The following ARMH3 variants were observed in gnomAD, a reference collection of about 807,000 sequenced individuals.
ARMH3 encodes the protein armadillo like helical domain containing 3, also known as armadillo-like helical domain-containing protein 3.
A neutral mutation model predicts 99.1 loss-of-function variants in ARMH3; 60 were observed. The observed-to-expected ratio is 0.61, with a 90% confidence interval of 0.49 to 0.75. The LOEUF is 0.75. Ranked by LOEUF, ARMH3 falls within the 30% of genes least tolerant of loss-of-function variation. The pLI is 0.00. For synonymous variants in ARMH3, 285 were observed against 292.8 expected, an observed-to-expected ratio of 0.97 and a Z score of 0.27; for missense variants, 679 against 843.1, an observed-to-expected ratio of 0.81 and a Z score of 2.41.
chr10:101,871,619 G>T (rs1234176376), intron 24 of ARMH3, among the ~76,000 whole-genome samples: 1 of 152,094 alleles, frequency 6.6e-6, no homozygotes, highest in Admixed American at 6.6e-5. Flanking sequence ...GGGGGGGAAA[G>T]AACATTTACC....
chr10:102,043,505 A>G (rs777377843), intron 1 of ARMH3, among the ~76,000 whole-genome samples: 2 of 152,266 alleles, frequency 1.3e-5, no homozygotes, highest in Non-Finnish European at 2.9e-5. Flanking sequence ...AGACAGACAC[A>G]TAACAACCCA....
intron 24 of ARMH3, among the ~76,000 whole-genome samples, chr10:101,884,435 G>A (rs1269970096): frequency 6.6e-6 from 1 of 152,160 alleles, no homozygotes; most frequent in Non-Finnish European, 1.5e-5. Context: ...GAGGGGACAA[G>A]GGGCCTGAAG....
intron 20 of ARMH3, among the ~76,000 whole-genome samples, chr10:101,966,134 ACT>A (rs1845527682): frequency 8.2e-6 from 1 of 121,328 alleles, no homozygotes; most frequent in South Asian, 2.5e-4. Flanking sequence ...ACAGAGTCTC[ACT>A]CTGTCACCCA....
chr10:102,025,035 G>C, intron 6 of ARMH3, 121 bp downstream of exon 6: 2 of 789,262 alleles, frequency 2.5e-6, no homozygotes, highest in Non-Finnish European at 2.1e-6. Context: ...ACACGAGGGA[G>C]TGATGTAATA....
At chr10:102,006,937 C>A (rs1451018170) in intron 13 of ARMH3, among the ~76,000 whole-genome samples, 1 of 151,726 alleles carries the variant, frequency 6.6e-6, no homozygotes, top group Non-Finnish European at 1.5e-5. Context: ...GAGGCCTGGG[C>A]AGATCACAAG....
At chr10:101,852,884 CT>C (rs796208847) in intron 24 of ARMH3, among the ~76,000 whole-genome samples, 2 of 148,152 alleles carry the variant, frequency 1.3e-5, no homozygotes, top group African/African-American at 2.5e-5. Context: ...GTGGCCCTTT[CT>C]TTTTTTTTTC....
chr10:101,987,067 G>T (rs550295315), intron 19 of ARMH3, among the ~76,000 whole-genome samples: 1 of 152,144 alleles, frequency 6.6e-6, no homozygotes, highest in African/African-American at 2.4e-5. Flanking sequence ...GAAATGTGGG[G>T]GTTTGGGTAA....
At chr10:101,996,888 G>A (rs1431674137) in intron 15 of ARMH3, among the ~76,000 whole-genome samples, 1 of 152,092 alleles carries the variant, frequency 6.6e-6, no homozygotes, top group East Asian at 1.9e-4. Flanking sequence ...TATTATAAAG[G>A]TTGAGCAGAA....
At chr10:101,919,830 C>G (rs1241116795) in intron 23 of ARMH3, among the ~76,000 whole-genome samples, 1 of 152,180 alleles carries the variant, frequency 6.6e-6, no homozygotes, top group African/African-American at 2.4e-5. Flanking sequence ...TCTAGTATTT[C>G]TGGGCTGTAC....
At chr10:101,942,479 T>A (rs1458070859) in intron 22 of ARMH3, among the ~76,000 whole-genome samples, 1 of 152,264 alleles carries the variant, frequency 6.6e-6, no homozygotes, top group Admixed American at 6.5e-5. Context: ...ATGTCATTTA[T>A]GGTTCTGGGT....
chr10:101,855,305 T>C (rs1380211562), intron 24 of ARMH3, among the ~76,000 whole-genome samples: 1 of 147,874 alleles, frequency 6.8e-6, no homozygotes, highest in East Asian at 2.2e-4. Context: ...TGACCTCAGG[T>C]GATCCACCTG....
intron 25 of ARMH3, among the ~76,000 whole-genome samples, chr10:101,848,231 C>A (rs1480191164): frequency 6.6e-6 from 1 of 152,182 alleles, no homozygotes; most frequent in Non-Finnish European, 1.5e-5. Context: ...TAGTCTAGCA[C>A]TCCTTCTAAA....
At chr10:101,946,508 A>C (rs993640106) in intron 22 of ARMH3, among the ~76,000 whole-genome samples, 3 of 152,156 alleles carry the variant, frequency 2.0e-5, no homozygotes, top group African/African-American at 7.2e-5. Context: ...ATTTAGAAGT[A>C]AAATATGTAC....
intron 1 of ARMH3, among the ~76,000 whole-genome samples, chr10:102,040,421 G>A (rs1448803469): frequency 1.3e-5 from 2 of 152,126 alleles, no homozygotes; most frequent in Non-Finnish European, 2.9e-5. Flanking sequence ...CCTAAAAACA[G>A]CTCTAAAAAA....
intron 23 of ARMH3, among the ~76,000 whole-genome samples, chr10:101,931,143 C>T (rs116047762): frequency 1.4e-4 from 21 of 152,238 alleles, no homozygotes; most frequent in Non-Finnish European, 2.4e-4. Context: ...TAGGAAAAAA[C>T]GGGAGAGGCT....
intron 8 of ARMH3, among the ~76,000 whole-genome samples, chr10:102,019,650 G>A (rs1027450730): frequency 2.0e-5 from 3 of 152,076 alleles, no homozygotes; most frequent in South Asian, 2.1e-4. Flanking sequence ...AAGCTGGGCC[G>A]GGCGCGGTGG....
intron 15 of ARMH3, among the ~76,000 whole-genome samples, chr10:102,000,525 A>G (rs1483262855): frequency 6.6e-6 from 1 of 151,428 alleles, no homozygotes; most frequent in South Asian, 2.1e-4. Context: ...TTGGGAGGCC[A>G]AGGCGGGCAG....
chr10:101,886,986 C>T (rs1451979901), intron 24 of ARMH3, among the ~76,000 whole-genome samples: 2 of 152,288 alleles, frequency 1.3e-5, no homozygotes, highest in East Asian at 3.9e-4. Flanking sequence ...CTACTGCAAT[C>T]CATAAAACTA....
chr10:102,045,900 G>C (rs1232934018), intron 1 of ARMH3, among the ~76,000 whole-genome samples: 1 of 152,068 alleles, frequency 6.6e-6, no homozygotes, highest in Non-Finnish European at 1.5e-5. Flanking sequence ...TTCGAGACCA[G>C]CCTAACCAAC....
Sources: gnomAD v4.1 joint callset for allele counts (sites outside exome capture counted in the v4.1 genomes callset) on GRCh38, gnomAD v4.1.1 for gene constraint, MANE v1.5 for transcripts, NCBI Gene and HGNC (gene_info 2026-07-23, HGNC 2026-07-21) for gene names.